NRG2: variants seen among roughly 807,000 people sequenced by gnomAD.
NRG2 encodes the protein neuregulin 2.
A neutral mutation model predicts 73.9 loss-of-function variants in NRG2; 27 were observed. The observed-to-expected ratio is 0.37, with a 90% CI of 0.27 to 0.50. The LOEUF (loss-of-function observed/expected upper bound fraction) is 0.50, where lower values mean the gene tolerates loss of function less well. Ranked by LOEUF, NRG2 falls within the 20% of genes least tolerant of loss-of-function variation. NRG2 has a pLI of 0.96. For synonymous variants in NRG2, 532 were observed against 541.0 expected (o/e 0.98, Z 0.23); for missense variants, 1,126 against 1,210.1 (o/e 0.93, Z 1.03).
intron 1 of NRG2, among the ~76,000 whole-genome samples, chr5:139,944,139 A>G (rs933925668): frequency 2.0e-5 from 3 of 152,084 alleles, no homozygotes; most frequent in Non-Finnish European, 2.9e-5. Flanking sequence ...AAGTATCTCA[A>G]TTCACTCTCA....
In NRG2 at chr5:139,851,481, C is replaced by T; in HGVS notation, c.1772+123G>A. 1.1e-6 allele frequency: 1 copy of T among 911,478 alleles called. No individual in the cohort carries two copies. The highest frequency in any genetic ancestry group is 1.7e-6 in the Non-Finnish European group (1 of 597,578). 56.5% of individuals were successfully genotyped at this position (911,478 alleles called of 1,614,324 possible). ...TTCACCTTTTCTAGGACCTTGTTTT[C>T]CCATATGAAAAATGGAGATGAGGCT... is the stretch of plus-strand genomic sequence containing the variant. On this transcript the variant is annotated intron_variant, in intron 9 of 9. Coordinates refer to ENST00000361474, the MANE Select transcript of NRG2 (RefSeq NM_004883.3). This position sits in a 1 kb window ranked among gnomAD's most constrained non-coding sequence, Gnocchi z 4.2.
intron 1 of NRG2, among the ~76,000 whole-genome samples, chr5:139,996,250 A>G (rs1477583945): frequency 3.9e-5 from 6 of 152,198 alleles, no homozygotes; most frequent in African/African-American, 1.2e-4. Flanking sequence ...ATTTTTTTCA[A>G]TGAACAACCT....
Position 140,033,745 on chromosome 5 carries a change from A to C in NRG2, c.700+8625T>G, listed in dbSNP as rs546692514. ...TGCCTCCCCCTGGTCTGCTTCTGGA[A>C]CTTAATATTTTCATTTACCTAGTCT... On this transcript the variant is annotated intron_variant, in intron 1 of 9. Coordinates refer to ENST00000361474, the MANE Select transcript of NRG2 (RefSeq NM_004883.3). Among the ~76,000 whole-genome samples the C allele has an allele frequency of 9.2e-5, 14 of 152,316 alleles. No individual in the cohort carries two copies. In the East Asian group the frequency reaches 2.3e-3, roughly 25 times the overall value.
chr5:139,906,655 T>C (rs750770109), intron 1 of NRG2, among the ~76,000 whole-genome samples: 1 of 152,196 alleles, frequency 6.6e-6, no homozygotes, highest in Non-Finnish European at 1.5e-5. Context: ...AAGACAGACA[T>C]GGGCCCTCCT....
rs544878273 is a variant in NRG2, at chr5:139,870,219, T to C, written c.1112+1502A>G. ...TTCCCTAGGGTCTGTCATACTAACA[T>C]GGCAGCCTCCTAGAGGCAGGAGGCG... On this transcript the variant is annotated intron_variant, in intron 4 of 9. Coordinates refer to ENST00000361474, the MANE Select transcript of NRG2 (RefSeq NM_004883.3). This position sits in a 1 kb window ranked among gnomAD's most constrained non-coding sequence, Gnocchi z 4.4. 6.6e-6 allele frequency among the ~76,000 whole-genome samples: 1 copy of C among 150,424 alleles called. No individual in the cohort carries two copies. Among genetic ancestry groups the C allele is most frequent in the Admixed American group, 6.5e-5 (1 of 15,280 alleles).
intron 1 of NRG2, among the ~76,000 whole-genome samples, chr5:140,026,202 A>G (rs1760675310): frequency 6.6e-6 from 1 of 152,254 alleles, no homozygotes; most frequent in Non-Finnish European, 1.5e-5. Flanking sequence ...AGTGTGAAAG[A>G]GTGGACTGAA....
chr5:139,895,447 A>G (rs769429562), intron 1 of NRG2, among the ~76,000 whole-genome samples: 1 of 152,242 alleles, frequency 6.6e-6, no homozygotes, highest in Admixed American at 6.5e-5. Flanking sequence ...GATACCCAGT[A>G]CAGATGCCTC....
intron 1 of NRG2, among the ~76,000 whole-genome samples, chr5:139,992,838 G>A (rs1757736786): frequency 2.0e-5 from 3 of 152,104 alleles, no homozygotes; most frequent in Admixed American, 6.6e-5. Flanking sequence ...TAACTGCTCT[G>A]TTGACTTTTT....
Position 139,874,346 on chromosome 5 carries a change from CTG to C in NRG2, c.992-2507_992-2506del, listed in dbSNP as rs368410137. Reference sequence around the variant, plus strand: ...CACCCCAAACTCAACAAGTCCAAAACTGTGCTCTGCACCATCTGCCCTACCCA... The same window carrying C: ...CACCCCAAACTCAACAAGTCCAAAACTGCTCTGCACCATCTGCCCTACCCA... On this transcript the variant is annotated intron_variant, in intron 3 of 9. Coordinates refer to ENST00000361474, the MANE Select transcript of NRG2 (RefSeq NM_004883.3). Among the ~76,000 whole-genome samples, 77 of 152,344 alleles carry C rather than the reference CTG, an allele frequency of 5.1e-4. No individual in the cohort carries two copies. In the East Asian group the frequency reaches 6.9e-3, roughly 14 times the overall value.
intron 1 of NRG2, among the ~76,000 whole-genome samples, chr5:139,987,885 C>T (rs1757292962): frequency 6.6e-6 from 1 of 151,850 alleles, no homozygotes; most frequent in Non-Finnish European, 1.5e-5. Flanking sequence ...CGCCATCCTC[C>T]TGCCTCAGCC....
intron 1 of NRG2, among the ~76,000 whole-genome samples, chr5:140,018,160 C>T (rs1308361941): frequency 6.6e-6 from 1 of 152,066 alleles, no homozygotes; most frequent in East Asian, 1.9e-4. Flanking sequence ...TATCTTGACC[C>T]CTGGTAGAAA....
At chr5:139,860,605 A>T (rs12517577) in intron 5 of NRG2, among the ~76,000 whole-genome samples, 1 of 152,092 alleles carries the variant, frequency 6.6e-6, no homozygotes, top group African/African-American at 2.4e-5. Flanking sequence ...ATGGTGCCTG[A>T]GCCTGATTTC....
intron 1 of NRG2, among the ~76,000 whole-genome samples, chr5:139,963,295 T>C (rs1755224674): frequency 6.6e-6 from 1 of 152,140 alleles, no homozygotes; most frequent in Admixed American, 6.5e-5. Flanking sequence ...TATCCTTCCT[T>C]TAAAAGGATG....
chr5:139,867,113 T>C (rs1182781547), intron 4 of NRG2, among the ~76,000 whole-genome samples: 1 of 152,192 alleles, frequency 6.6e-6, no homozygotes, highest in African/African-American at 2.4e-5. Flanking sequence ...TTGCAGTATA[T>C]AGCAACTGTC....
chr5:139,972,438 T>C (rs994673962), intron 1 of NRG2, among the ~76,000 whole-genome samples: 3 of 152,144 alleles, frequency 2.0e-5, no homozygotes. Flanking sequence ...TTAAAGAATG[T>C]CATAAACTGG....
intron 1 of NRG2, among the ~76,000 whole-genome samples, chr5:139,933,934 C>T (rs1228661696): frequency 6.6e-6 from 1 of 152,222 alleles, no homozygotes; most frequent in African/African-American, 2.4e-5. Flanking sequence ...TGTGGTGGCT[C>T]ACGCCTGTAA....
At chr5:140,029,722 A>C (rs1371437192) in intron 1 of NRG2, among the ~76,000 whole-genome samples, 1 of 151,252 alleles carries the variant, frequency 6.6e-6, no homozygotes, top group Non-Finnish European at 1.5e-5. Flanking sequence ...GTGCAGCTGT[A>C]ACCATTCTGC....
chr5:139,902,535 T>C (rs1306712535), intron 1 of NRG2, among the ~76,000 whole-genome samples: 1 of 152,232 alleles, frequency 6.6e-6, no homozygotes, highest in Non-Finnish European at 1.5e-5. Flanking sequence ...CTAAAGGTTT[T>C]AGTGAATTAC....
intron 1 of NRG2, among the ~76,000 whole-genome samples, chr5:139,957,801 G>C (rs555553569): frequency 6.6e-6 from 1 of 152,342 alleles, no homozygotes; most frequent in Non-Finnish European, 1.5e-5. Context: ...AAAAGAAGAA[G>C]CCAAGAGAGA....
Sources: allele counts gnomAD v4.1 joint callset (sites outside exome capture counted in the v4.1 genomes callset), GRCh38; gene constraint gnomAD v4.1.1; non-coding constraint Gnocchi (gnomAD v3.1); transcripts MANE v1.5; gene names NCBI Gene and HGNC (gene_info 2026-07-23, HGNC 2026-07-21).